The following DCAF12 variants were observed in gnomAD, a reference collection of about 807,000 sequenced individuals.
The protein encoded by DCAF12 is DDB1 and CUL4 associated factor 12, also known as DDB1- and CUL4-associated factor 12.
A neutral mutation model predicts 52.8 loss-of-function variants in DCAF12; 28 were observed. That is an observed-to-expected ratio of 0.53 (90% CI 0.39 to 0.73). DCAF12 has a LOEUF of 0.73. Among genes scored for constraint, DCAF12 ranks in the 30% least tolerant of loss-of-function variants. The pLI, the probability that DCAF12 is intolerant of heterozygous loss-of-function variation, is 0.00. For synonymous variants in DCAF12, 196 were observed against 215.5 expected (o/e 0.91, Z 0.79); for missense variants, 425 against 552.2 (o/e 0.77, Z 2.31).
At chr9:34,120,543 C>T (rs1429442626) in intron 2 of DCAF12, among the ~76,000 whole-genome samples, 5 of 151,158 alleles carry the variant, frequency 3.3e-5, no homozygotes, top group Admixed American at 6.6e-5. Context: ...TGGTAGCACG[C>T]GCCTGTAGTC....
At chr9:34,118,686 G>A (rs1044267847) in intron 2 of DCAF12, among the ~76,000 whole-genome samples, 3 of 152,238 alleles carry the variant, frequency 2.0e-5, no homozygotes, top group South Asian at 4.1e-4. Flanking sequence ...TAATATGGCC[G>A]GGCGTGGTGG....
intron 3 of DCAF12, among the ~76,000 whole-genome samples, 176 bp from the exon 4 acceptor site, chr9:34,106,670 T>C (rs1215828229): frequency 6.6e-6 from 1 of 152,222 alleles, no homozygotes; most frequent in Non-Finnish European, 1.5e-5. Context: ...TTACCTTCTA[T>C]CTTGAGGAGC....
intron 7 of DCAF12, 123 bp from the exon 8 acceptor site, chr9:34,089,713 A>G: frequency 4.3e-6 from 4 of 920,122 alleles, no homozygotes; most frequent in Admixed American, 6.0e-5. Flanking sequence ...CCCGCCCCAC[A>G]AAGTATCAGA....
intron 4 of DCAF12, among the ~76,000 whole-genome samples, chr9:34,105,489 C>T (rs748316920): frequency 2.6e-5 from 4 of 151,876 alleles, no homozygotes; most frequent in African/African-American, 9.7e-5. Flanking sequence ...TGTCAACAGT[C>T]GTTATTACTA....
rs1178072745 is a variant in DCAF12 at position 34,088,060 on chromosome 9, A to G, written c.*290T>C. On this transcript the variant is annotated 3_prime_UTR_variant, in exon 9 of 9. Coordinates refer to ENST00000361264, the MANE Select transcript of DCAF12 (RefSeq NM_015397.4). The stretch of plus-strand genomic sequence containing the variant: ...TCAGCCTGAAGAAGCCAGAGACAGG[A>G]GAATGTGTGTCACTTAAAGAAAAAT... The G allele has an allele frequency of 4.5e-6, 1 of 221,960 alleles. No homozygotes were observed. The highest frequency in any genetic ancestry group is 5.2e-5 in the Admixed American group (1 of 19,120). The allele number at this position is 221,960 out of a possible 1,614,324, so 13.7% of individuals were successfully genotyped here.
rs1828559271 is a variant in DCAF12, at chr9:34,086,521, G to C, written c.*1829C>G. On this transcript the variant is annotated 3_prime_UTR_variant, in exon 9 of 9. Transcript: ENST00000361264. ...TAGCAATAGTACAAAACATCCTACT[G>C]AAGATTTTTTTTTTAAATATACAAG... is the stretch of plus-strand genomic sequence containing the variant. 1 of 151,954 alleles carries C rather than the reference G, an allele frequency of 6.6e-6. No homozygotes were observed. The highest frequency in any genetic ancestry group is 1.5e-5 in the Non-Finnish European group (1 of 67,998). The allele number at this position is 151,954 out of a possible 1,614,324, so 9.4% of individuals were successfully genotyped here.
At chr9:34,100,171 A>G (rs1282420154) in intron 4 of DCAF12, among the ~76,000 whole-genome samples, 2 of 149,734 alleles carry the variant, frequency 1.3e-5, no homozygotes, top group Non-Finnish European at 1.5e-5. Flanking sequence ...AGTAGCTAAT[A>G]CAACAGGTAT....
At chr9:34,098,177 C>T in intron 5 of DCAF12, 147 bp downstream of exon 5, 2 of 805,022 alleles carry the variant, frequency 2.5e-6, no homozygotes. Context: ...TATAATTTCT[C>T]ACCAGCATCA....
At chr9:34,096,061 A>C (rs570192950) in intron 6 of DCAF12, 1 of 152,284 alleles carries the variant, frequency 6.6e-6, no homozygotes, top group East Asian at 1.9e-4. Context: ...CTGGTCTTTT[A>C]AACAAGAATT....
At chr9:34,105,185 G>C (rs531079818) in intron 4 of DCAF12, among the ~76,000 whole-genome samples, 2 of 152,136 alleles carry the variant, frequency 1.3e-5, no homozygotes, top group East Asian at 3.9e-4. Context: ...CCTGGGAAGC[G>C]GAGGTTGTGG....
At position 34,098,502 on chromosome 9, in the gene DCAF12, G is replaced by A; in HGVS notation, c.617C>T (p.Ser206Phe). 1 of 1,613,584 alleles carries A rather than the reference G, an allele frequency of 6.2e-7. No homozygotes were observed. The highest frequency in any genetic ancestry group is 8.5e-7 in the Non-Finnish European group (1 of 1,179,780). ...ATCTGTCACCTCCCAGAGTCCCATA[G>A]AACCATCACGTGAGCCTGCAGGGCC... Reference protein sequence around the residue: ...TMAVSGSRDGSMGLWEVTDDV... With the variant: ...TMAVSGSRDGFMGLWEVTDDV... The change falls in exon 5 of 9, where the codon TCT becomes TTT. Residue 206 changes from serine (S) to phenylalanine (F), a missense_variant. Ser to Phe is a radical substitution (Grantham distance 155). Around this residue, in one of 3 missense-constraint regions of DCAF12, gnomAD observed 328 missense variants for 444.4 expected, o/e 0.74. Coordinates refer to ENST00000361264, the MANE Select transcript of DCAF12 (RefSeq NM_015397.4).
chr9:34,108,984 TTA>T (rs10580795), intron 2 of DCAF12, among the ~76,000 whole-genome samples: 61,999 of 140,336 alleles, frequency 0.44, 14,021 homozygotes, highest in East Asian at 0.75. Flanking sequence ...GTATATGTTT[TTA>T]TATATATATA....
chr9:34,125,307 T>C (rs1563865173), intron 1 of DCAF12, 30 bp from the exon 2 acceptor site: 1 of 1,610,344 alleles, frequency 6.2e-7, no homozygotes, highest in Non-Finnish European at 8.5e-7. Context: ...AATCAGGGCT[T>C]TGGCTACTCT....
Position 34,106,511 on chromosome 9 carries a change from T to TA in DCAF12, c.541-18dup. ...GTGTCCATCCTTGGAGAGCAGGGAG[T>TA]AACAGGTACAGGGAGGAAAATAAGA... On this transcript the variant is annotated splice_polypyrimidine_tract_variant and intron_variant, in intron 3 of 8. Coordinates refer to ENST00000361264, the MANE Select transcript of DCAF12 (RefSeq NM_015397.4). 1 of 1,602,672 alleles carries TA rather than the reference T, an allele frequency of 6.2e-7. No homozygotes were observed. Among genetic ancestry groups the TA allele is most frequent in the Non-Finnish European group, 8.5e-7 (1 of 1,171,460 alleles).
chr9:34,106,394 C>G, intron 4 of DCAF12, 40 bp downstream of exon 4: 1 of 1,538,304 alleles, frequency 6.5e-7, no homozygotes, highest in Non-Finnish European at 8.9e-7. Context: ...GCCCCCAATC[C>G]CTGCCACATC....
At position 34,090,525 on chromosome 9, in the gene DCAF12, T is replaced by C. The variant is rs1223305856; in HGVS notation, c.1025-935A>G. Among the ~76,000 whole-genome samples, 4 of 152,192 alleles carry C rather than the reference T, an allele frequency of 2.6e-5. No individual in the cohort carries two copies. In the East Asian group the frequency reaches 7.7e-4, roughly 29 times the overall value. ...CAAATCAGTGCTTGGGATATGAAGA[T>C]GTCTCTTGGCACATAAGAACTGGAT... On this transcript the variant is annotated intron_variant, in intron 7 of 8. Coordinates refer to ENST00000361264, the MANE Select transcript of DCAF12 (RefSeq NM_015397.4).
At chr9:34,103,531 T>C (rs1248491120) in intron 4 of DCAF12, among the ~76,000 whole-genome samples, 1 of 152,086 alleles carries the variant, frequency 6.6e-6, no homozygotes, top group East Asian at 1.9e-4. Flanking sequence ...AATAGGGTTA[T>C]ATTATATCCA....
intron 2 of DCAF12, among the ~76,000 whole-genome samples, chr9:34,124,576 T>G (rs1289515267): frequency 1.3e-5 from 2 of 152,240 alleles, no homozygotes; most frequent in African/African-American, 4.8e-5. Flanking sequence ...GTTTATACAT[T>G]TTTAGATTCT....
intron 2 of DCAF12, among the ~76,000 whole-genome samples, chr9:34,112,543 G>A (rs1328775427): frequency 2.7e-5 from 4 of 149,390 alleles, no homozygotes; most frequent in African/African-American, 4.9e-5. Context: ...GCAATGAGCC[G>A]AGATCACACC....
Sources: gnomAD v4.1 joint callset for allele counts (sites outside exome capture counted in the v4.1 genomes callset) on GRCh38, gnomAD v4.1.1 for gene constraint, gnomAD v4.1.1 regional missense constraint, MANE v1.5 for transcripts, NCBI Gene and HGNC (gene_info 2026-07-23, HGNC 2026-07-21) for gene names.